ARMH4: variants seen among roughly 807,000 people sequenced by gnomAD.
ARMH4 encodes the protein armadillo-like helical domain-containing protein 4.
A neutral mutation model predicts 61.9 loss-of-function variants in ARMH4; 49 were observed. That is an observed-to-expected ratio of 0.79 (90% confidence interval 0.63 to 1.00). The LOEUF (loss-of-function observed/expected upper bound fraction) is 1.00. Among genes scored for constraint, ARMH4 ranks in the 50% least tolerant of loss-of-function variants. The pLI, the probability that ARMH4 is intolerant of heterozygous loss-of-function variation, is 0.00. For missense variants in ARMH4, 934 were observed against 930.0 expected, an observed-to-expected ratio of 1.00 and a Z score of -0.06; for synonymous variants, 368 against 341.5, an observed-to-expected ratio of 1.08 and a Z score of -0.85.
chr14:58,005,254 G>T (rs769832833), intron 6 of ARMH4, 72 bp from the exon 7 acceptor site: 22 of 1,589,440 alleles, frequency 1.4e-5, no homozygotes, highest in Non-Finnish European at 1.8e-5. Flanking sequence ...ATTTCTGCTG[G>T]ATGGCAGCAG....
chr14:58,139,587 A>C (rs890576147), intron 1 of ARMH4, among the ~76,000 whole-genome samples, 173 bp from the exon 2 acceptor site: 1 of 152,180 alleles, frequency 6.6e-6, no homozygotes, highest in African/African-American at 2.4e-5. Context: ...AACCCAGTTC[A>C]TTTCTCCCTG....
intron 1 of ARMH4, among the ~76,000 whole-genome samples, chr14:58,149,853 G>A (rs1275174729): frequency 6.6e-6 from 1 of 152,232 alleles, no homozygotes; most frequent in African/African-American, 2.4e-5. Context: ...AAATTATCAT[G>A]CAATAGAAGA....
At chr14:58,030,682 T>A (rs1321152738) in intron 5 of ARMH4, among the ~76,000 whole-genome samples, 1 of 152,252 alleles carries the variant, frequency 6.6e-6, no homozygotes, top group African/African-American at 2.4e-5. Context: ...TTTAACTACC[T>A]GAGATGCCTC....
intron 2 of ARMH4, among the ~76,000 whole-genome samples, 155 bp downstream of exon 2, chr14:58,137,835 C>A (rs1483929341): frequency 6.6e-6 from 1 of 152,136 alleles, no homozygotes; most frequent in Non-Finnish European, 1.5e-5. Flanking sequence ...AATCCTCACA[C>A]CTCGGCCTCC....
chr14:58,149,112 T>G (rs972886756), intron 1 of ARMH4, among the ~76,000 whole-genome samples: 1 of 152,224 alleles, frequency 6.6e-6, no homozygotes, highest in Non-Finnish European at 1.5e-5. Context: ...TACTTTTTCT[T>G]TTTTTAAATC....
chr14:58,099,380 T>C (rs898925607), intron 4 of ARMH4, among the ~76,000 whole-genome samples: 6 of 151,988 alleles, frequency 3.9e-5, no homozygotes, highest in African/African-American at 1.5e-4. Context: ...ACCACCAGGG[T>C]GGGAGAAAAT....
chr14:58,067,737 T>C (rs1884749745), intron 5 of ARMH4, among the ~76,000 whole-genome samples: 1 of 152,168 alleles, frequency 6.6e-6, no homozygotes, highest in Non-Finnish European at 1.5e-5. Flanking sequence ...AACAAACAAA[T>C]AAACCAAAAT....
At chr14:58,020,688 C>A (rs1168367245) in intron 5 of ARMH4, among the ~76,000 whole-genome samples, 2 of 152,188 alleles carry the variant, frequency 1.3e-5, no homozygotes, top group African/African-American at 4.8e-5. Flanking sequence ...AAGGACTTTT[C>A]CAACTCAGTC....
chr14:58,040,184 G>C (rs372507707), intron 5 of ARMH4, among the ~76,000 whole-genome samples: 9 of 151,914 alleles, frequency 5.9e-5, no homozygotes, highest in African/African-American at 2.2e-4. Context: ...CTTTTACTTT[G>C]GGTTCAAGGG....
intron 5 of ARMH4, among the ~76,000 whole-genome samples, chr14:58,025,318 T>C (rs150738581): frequency 9.9e-4 from 151 of 152,278 alleles, no homozygotes; most frequent in South Asian, 4.3e-3. Flanking sequence ...CACTCCCATA[T>C]AGCATTGTGT....
At chr14:58,064,996 C>A (rs1351154622) in intron 5 of ARMH4, among the ~76,000 whole-genome samples, 1 of 152,162 alleles carries the variant, frequency 6.6e-6, no homozygotes, top group African/African-American at 2.4e-5. Context: ...GTAATCCCAG[C>A]ACTTTGGGAG....
In ARMH4 at chr14:58,001,341, T is replaced by C. The variant is rs1429857735; in HGVS notation, c.*3395A>G. ...ACTTATAAGCTTATTGTGAATAATA[T>C]GCTTATAAGCATAAGCAATGAACAC... On this transcript the variant is annotated 3_prime_UTR_variant, in exon 8 of 8. Transcript: ENST00000267485. 6.6e-6 allele frequency: 1 copy of C among 152,254 alleles called. No homozygotes were observed. Among genetic ancestry groups the C allele is most frequent in the African/African-American group, 2.4e-5 (1 of 41,470 alleles). The allele number at this position is 152,254 out of a possible 1,614,324, so 9.4% of individuals were successfully genotyped here. A position where few individuals can be genotyped will look rare whatever the true frequency, so the allele number is the denominator to read the frequency against.
At chr14:58,151,267 C>G (rs1887909592) in intron 1 of ARMH4, among the ~76,000 whole-genome samples, 1 of 152,196 alleles carries the variant, frequency 6.6e-6, no homozygotes. Context: ...TTCACTCCTG[C>G]TTGCCTCCTC....
chr14:58,017,735 C>T lies in ARMH4; in HGVS notation c.2090-5585G>A, dbSNP rs149590556. Among the ~76,000 whole-genome samples, 903 of 152,174 alleles carry T rather than the reference C, an allele frequency of 5.9e-3. 13 individuals are homozygous for T. The highest frequency in any genetic ancestry group is 0.02 in the African/African-American group (840 of 41,514). ...ATCTACATATTCAATGCAATCTCTACCAAAATCCCAATGACATTTTTCACA... is the reference window on the plus strand; with the variant it reads ...ATCTACATATTCAATGCAATCTCTATCAAAATCCCAATGACATTTTTCACA... On this transcript the variant is annotated intron_variant, in intron 5 of 7. Coordinates refer to ENST00000267485, the MANE Select transcript of ARMH4 (RefSeq NM_001001872.4).
chr14:58,017,255 G>A (rs77753961), intron 5 of ARMH4, among the ~76,000 whole-genome samples: 13 of 152,046 alleles, frequency 8.6e-5, no homozygotes, highest in African/African-American at 2.2e-4. Context: ...TTGAGGCTGC[G>A]GTGAGCTGTG....
intron 5 of ARMH4, among the ~76,000 whole-genome samples, chr14:58,060,320 T>A (rs1400628611): frequency 6.6e-6 from 1 of 152,214 alleles, no homozygotes; most frequent in Non-Finnish European, 1.5e-5. Flanking sequence ...AAGAAGGGAA[T>A]CCCATGTCCT....
chr14:58,015,757 A>AG (rs1437091079), intron 5 of ARMH4, among the ~76,000 whole-genome samples: 93 of 148,514 alleles, frequency 6.3e-4, no homozygotes, highest in African/African-American at 2.2e-3. Context: ...TTTTAGTTAA[A>AG]AAAAAAAAAA....
chr14:58,051,271 A>C (rs936327664), intron 5 of ARMH4, among the ~76,000 whole-genome samples: 5 of 152,314 alleles, frequency 3.3e-5, no homozygotes, highest in African/African-American at 1.2e-4. Context: ...CCAGCTGATG[A>C]CTTCAGAAAA....
rs558738996 is a variant in ARMH4 at position 58,003,058 on chromosome 14, G to C, written c.*1678C>G. ...AGGAAATAACTGATAACTGAGATGG[G>C]GAAGGAAAGAACTTGTGTGTGAGTA... On this transcript the variant is annotated 3_prime_UTR_variant, in exon 8 of 8. Transcript: ENST00000267485. 1.1e-4 allele frequency: 16 copies of C among 152,224 alleles called. No homozygotes were observed. The highest frequency in any genetic ancestry group is 3.6e-4 in the African/African-American group (15 of 41,544). 9.4% of individuals were successfully genotyped at this position (152,224 alleles called of 1,614,324 possible). A position where few individuals can be genotyped will look rare whatever the true frequency, so the allele number is the denominator to read the frequency against.
Sources: gnomAD v4.1 joint callset for allele counts (sites outside exome capture counted in the v4.1 genomes callset) on GRCh38, gnomAD v4.1.1 for gene constraint, MANE v1.5 for transcripts, NCBI Gene and HGNC (gene_info 2026-07-23, HGNC 2026-07-21) for gene names.